The following SH3D19 variants were observed in gnomAD, a reference collection of about 807,000 sequenced individuals.
The protein encoded by SH3D19 is SH3 domain-containing protein 19.
SH3D19 carries 58 observed loss-of-function variants against 112.1 expected under a neutral mutation model. The ratio of observed to expected loss-of-function variants is 0.52; its 90% CI spans 0.42 to 0.64. The LOEUF (loss-of-function observed/expected upper bound fraction) is 0.64, where lower values mean the gene tolerates loss of function less well. SH3D19 is among the 30% of genes least tolerant of loss of function. The pLI, the probability that SH3D19 is intolerant of heterozygous loss-of-function variation, is 0.00. For synonymous variants in SH3D19, 391 were observed against 448.5 expected (o/e 0.87, Z 1.62); for missense variants, 1,090 against 1,263.4 (o/e 0.86, Z 2.08).
chr4:151,324,521 C>T (rs1381903622), intron 1 of SH3D19, among the ~76,000 whole-genome samples: 1 of 129,260 alleles, frequency 7.7e-6, no homozygotes, highest in African/African-American at 2.9e-5. Flanking sequence ...GATTGAAAAG[C>T]CGCCCGGAAG....
intron 2 of SH3D19, among the ~76,000 whole-genome samples, chr4:151,217,186 T>C (rs2149925194): frequency 6.6e-6 from 1 of 152,274 alleles, no homozygotes; most frequent in East Asian, 1.9e-4. Context: ...AGTATTAAAC[T>C]AACCCCAGCA....
At chr4:151,161,625 TATATATATATATA>T (rs1757157017) in intron 8 of SH3D19, among the ~76,000 whole-genome samples, 2 of 142,872 alleles carry the variant, frequency 1.4e-5, no homozygotes, top group Non-Finnish European at 3.0e-5. Flanking sequence ...TATACATATA[TATATATATATATA>T]TATTTTAATT....
intron 1 of SH3D19, among the ~76,000 whole-genome samples, chr4:151,267,229 T>C (rs1432218022): frequency 6.6e-6 from 1 of 151,332 alleles, no homozygotes; most frequent in Non-Finnish European, 1.5e-5. Flanking sequence ...CAGCTACTCA[T>C]GAGGCTGAGG....
intron 1 of SH3D19, among the ~76,000 whole-genome samples, chr4:151,284,397 T>C (rs889030455): frequency 1.3e-5 from 2 of 152,240 alleles, no homozygotes; most frequent in Admixed American, 6.5e-5. Context: ...TTTTTAGTTA[T>C]AGAATGACCA....
At chr4:151,157,676 G>A (rs770427197) in intron 9 of SH3D19, among the ~76,000 whole-genome samples, 5 of 151,754 alleles carry the variant, frequency 3.3e-5, no homozygotes, top group African/African-American at 4.8e-5. Context: ...GCCAAGATAC[G>A]GAATCAACCT....
At chr4:151,309,915 G>A (rs557441622) in intron 1 of SH3D19, among the ~76,000 whole-genome samples, 4 of 152,070 alleles carry the variant, frequency 2.6e-5, no homozygotes, top group South Asian at 2.1e-4. Flanking sequence ...TCTTGAGCCC[G>A]GGAGGTCAAG....
chr4:151,315,644 C>A (rs1310947201), intron 1 of SH3D19, among the ~76,000 whole-genome samples: 1 of 152,080 alleles, frequency 6.6e-6, no homozygotes, highest in African/African-American at 2.4e-5. Context: ...AGAGACCAAA[C>A]AAACTAAGGG....
At chr4:151,253,196 G>A (rs896545866) in intron 1 of SH3D19, among the ~76,000 whole-genome samples, 4 of 152,240 alleles carry the variant, frequency 2.6e-5, no homozygotes, top group African/African-American at 4.8e-5. Flanking sequence ...ATTTCTCACC[G>A]CTGGAGCCCC....
chr4:151,205,469 A>C (rs919129696), intron 2 of SH3D19, among the ~76,000 whole-genome samples: 1 of 152,166 alleles, frequency 6.6e-6, no homozygotes, highest in African/African-American at 2.4e-5. Context: ...CTGTGTGAGG[A>C]GTCTGGGGGT....
chr4:151,181,406 C>T (rs1760926215), intron 3 of SH3D19, among the ~76,000 whole-genome samples: 1 of 152,146 alleles, frequency 6.6e-6, no homozygotes, highest in African/African-American at 2.4e-5. Context: ...GTTGGCAAAG[C>T]AAACCTCTAA....
intron 3 of SH3D19, among the ~76,000 whole-genome samples, chr4:151,182,905 T>G (rs139240902): frequency 6.6e-6 from 1 of 152,280 alleles, no homozygotes; most frequent in East Asian, 1.9e-4. Flanking sequence ...GCTAGTCTGG[T>G]ACGTTTTGGG....
At chr4:151,192,608 A>G (rs868683039) in intron 2 of SH3D19, among the ~76,000 whole-genome samples, 156 of 152,362 alleles carry the variant, frequency 1.0e-3, no homozygotes, top group African/African-American at 3.6e-3. Flanking sequence ...TTTACCATTT[A>G]CAATCATTCT....
At chr4:151,159,893 T>C (rs2149797080) in intron 8 of SH3D19, among the ~76,000 whole-genome samples, 1 of 152,258 alleles carries the variant, frequency 6.6e-6, no homozygotes, top group Non-Finnish European at 1.5e-5. Flanking sequence ...GATAATATCC[T>C]ACCTGTTTTA....
chr4:151,245,037 G>A (rs1047498107), intron 1 of SH3D19, among the ~76,000 whole-genome samples: 4 of 152,074 alleles, frequency 2.6e-5, no homozygotes, highest in Admixed American at 6.6e-5. Flanking sequence ...CCAGCTATTC[G>A]GGAGGCTGAA....
intron 8 of SH3D19, among the ~76,000 whole-genome samples, chr4:151,164,566 TG>T (rs936725613): frequency 3.2e-4 from 49 of 151,978 alleles, no homozygotes; most frequent in African/African-American, 1.2e-3. Flanking sequence ...TAAACCAAAA[TG>T]TAACGTTACA....
At chr4:151,279,616 G>C (rs1773989429) in intron 1 of SH3D19, among the ~76,000 whole-genome samples, 1 of 152,146 alleles carries the variant, frequency 6.6e-6, no homozygotes, top group African/African-American at 2.4e-5. Context: ...TACAATCAGG[G>C]GAGTGGTCTC....
chr4:151,238,281 C>G (rs1317962811), intron 1 of SH3D19, among the ~76,000 whole-genome samples: 1 of 151,964 alleles, frequency 6.6e-6, no homozygotes, highest in Non-Finnish European at 1.5e-5. Context: ...ATTTTTTTAT[C>G]TATTTATGAA....
At chr4:151,295,167 G>A (rs1027669054) in intron 1 of SH3D19, among the ~76,000 whole-genome samples, 3 of 152,236 alleles carry the variant, frequency 2.0e-5, no homozygotes, top group African/African-American at 7.2e-5. Flanking sequence ...TCAGTGACAT[G>A]AGAAGCCACT....
intron 2 of SH3D19, among the ~76,000 whole-genome samples, chr4:151,205,052 T>G (rs1469637017): frequency 6.6e-6 from 1 of 152,068 alleles, no homozygotes; most frequent in African/African-American, 2.4e-5. Flanking sequence ...AACTCCTGAC[T>G]TCAGGTGATC....
Sources: gnomAD v4.1 joint callset for allele counts (sites outside exome capture counted in the v4.1 genomes callset) on GRCh38, gnomAD v4.1.1 for gene constraint, MANE v1.5 for transcripts, NCBI Gene and HGNC (gene_info 2026-07-23, HGNC 2026-07-21) for gene names.